Variants in SYPL2 observed in about 807,000 individuals in gnomAD.
The protein encoded by SYPL2 is synaptophysin like 2.
A neutral mutation model predicts 31.3 loss-of-function variants in SYPL2; 24 were observed. The ratio of observed to expected loss-of-function variants is 0.77; its 90% CI spans 0.56 to 1.08. The LOEUF is 1.08. SYPL2 is among the 50% of genes least tolerant of loss of function. The pLI is 0.00. For synonymous variants in SYPL2, 144 were observed against 143.1 expected (o/e 1.01, Z -0.05); for missense variants, 342 against 360.1 (o/e 0.95, Z 0.41).
Position 109,466,898 on chromosome 1 carries a change from G to A in SYPL2, c.54+1G>A, listed in dbSNP as rs1474462197. 48 of 1,530,326 alleles carry A rather than the reference G, an allele frequency of 3.1e-5. No individual in the cohort carries two copies. The highest frequency in any genetic ancestry group is 3.9e-5 in the Non-Finnish European group (45 of 1,144,138). 94.8% of individuals were successfully genotyped at this position (1,530,326 alleles called of 1,614,324 possible). A position where few individuals can be genotyped will look rare whatever the true frequency, so the allele number is the denominator to read the frequency against. ...GGCGGACAAGTCGCCGCGCCAGCAGGTAGTCCCTGCGCGCCCAGGACTCTC... is the reference window on the plus strand; with the variant it reads ...GGCGGACAAGTCGCCGCGCCAGCAGATAGTCCCTGCGCGCCCAGGACTCTC... On this transcript the variant is annotated splice_donor_variant, in intron 1 of 5. Coordinates refer to ENST00000369872, the MANE Select transcript of SYPL2 (RefSeq NM_001040709.2). LOFTEE classifies it high-confidence loss of function.
In SYPL2 at chr1:109,466,829, G is replaced by A. The variant is rs1213038313; in HGVS notation, c.-15G>A. On this transcript the variant is annotated 5_prime_UTR_variant, in exon 1 of 6. Transcript: ENST00000369872. ...GCCAAGCCACCACGCCGCGCCCAGCGCTCGCCGCGCCAGCATGTCCTCGAC... is the reference window on the plus strand; with the variant it reads ...GCCAAGCCACCACGCCGCGCCCAGCACTCGCCGCGCCAGCATGTCCTCGAC... The A allele has an allele frequency of 1.3e-6, 2 of 1,513,864 alleles. No homozygotes were observed. The highest frequency in any genetic ancestry group is 1.8e-6 in the Non-Finnish European group (2 of 1,138,166). 93.8% of individuals were successfully genotyped at this position (1,513,864 alleles called of 1,614,324 possible). A position where few individuals can be genotyped will look rare whatever the true frequency, so the allele number is the denominator to read the frequency against.
At position 109,480,643 on chromosome 1, in the gene SYPL2, C is replaced by T. The variant is rs920651267; in HGVS notation, c.*1095C>T. 7 of 152,652 alleles carry T rather than the reference C, an allele frequency of 4.6e-5. No homozygotes were observed. The highest frequency in any genetic ancestry group is 1.7e-4 in the African/African-American group (7 of 41,402). 9.5% of individuals were successfully genotyped at this position (152,652 alleles called of 1,614,324 possible). On this transcript the variant is annotated 3_prime_UTR_variant, in exon 6 of 6. Transcript: ENST00000369872. ...CCTTATTCCCTGCTCAGTTTTTTCCCCTGCTCCTTCTCTAGTCCTTCTTTC... is the reference window on the plus strand; with the variant it reads ...CCTTATTCCCTGCTCAGTTTTTTCCTCTGCTCCTTCTCTAGTCCTTCTTTC...
chr1:109,475,807 G>A (rs766427198), intron 3 of SYPL2, 102 bp downstream of exon 3: 103 of 1,474,606 alleles, frequency 7.0e-5, no homozygotes, highest in South Asian at 1.2e-4. Flanking sequence ...CATTCATTGC[G>A]TGCCACTCCA....
At chr1:109,468,049 T>A (rs1040384913) in intron 2 of SYPL2, among the ~76,000 whole-genome samples, 3 of 152,216 alleles carry the variant, frequency 2.0e-5, no homozygotes, top group African/African-American at 7.2e-5. Context: ...TACAGTCTAG[T>A]GGAAATACTA....
chr1:109,475,351 A>G (rs1386325131), intron 2 of SYPL2: 4 of 500,578 alleles, frequency 8.0e-6, no homozygotes, highest in Non-Finnish European at 1.4e-5. Context: ...TCTCCCTTGC[A>G]GACACCACTC....
Position 109,479,520 on chromosome 1 carries a change from C to T in SYPL2, c.791C>T (p.Ala264Val). Residue 264 changes from alanine to valine, a missense_variant, in exon 6 of 6, where the codon GCT becomes GTT. Physicochemically the swap from Ala to Val is moderately conservative, Grantham distance 64. Coordinates refer to ENST00000369872, the MANE Select transcript of SYPL2 (RefSeq NM_001040709.2). ...QGQGPSQESA[A>V]EQGAVEKQ The stretch of plus-strand genomic sequence containing the variant: ...CAGGGTCCCAGCCAGGAGAGTGCAG[C>T]TGAGCAGGGAGCAGTGGAGAAGCAG... 5 of 1,614,190 alleles carry T rather than the reference C, an allele frequency of 3.1e-6. No homozygotes were observed. Among genetic ancestry groups the T allele is most frequent in the Non-Finnish European group, 4.2e-6 (5 of 1,180,022 alleles).
chr1:109,471,723 TTTG>T (rs1422670611), intron 2 of SYPL2, among the ~76,000 whole-genome samples: 1 of 152,026 alleles, frequency 6.6e-6, no homozygotes, highest in Non-Finnish European at 1.5e-5. Context: ...CCTGAACTTT[TTTG>T]TTGTTGTTTG....
At chr1:109,467,169 G>A in intron 2 of SYPL2, 36 bp downstream of exon 2, 1 of 1,522,296 alleles carries the variant, frequency 6.6e-7, no homozygotes, top group Non-Finnish European at 8.8e-7. Flanking sequence ...TATTTCGGGA[G>A]CCTGGGCTGT....
chr1:109,470,537 G>C (rs1655800407), intron 2 of SYPL2, among the ~76,000 whole-genome samples: 1 of 152,224 alleles, frequency 6.6e-6, no homozygotes, highest in Non-Finnish European at 1.5e-5. Context: ...CAGCAATGGA[G>C]GTCCAAGAGG....
rs187778225 is a variant in SYPL2, at chr1:109,475,538, G to C, written c.130-43G>C. On this transcript the variant is annotated intron_variant, in intron 2 of 5. Coordinates refer to ENST00000369872, the MANE Select transcript of SYPL2 (RefSeq NM_001040709.2). ...CACGGTTAGTTCTCGACTTTGGCCA[G>C]TTGAGGCCTTCTGACTCTCAAAGAG... 2.5e-3 allele frequency: 4,047 copies of C among 1,601,834 alleles called. 62 individuals are homozygous for C. Among genetic ancestry groups the C allele is most frequent in the South Asian group, 5.6e-3 (510 of 90,352 alleles).
chr1:109,479,453 C>A lies in SYPL2; in HGVS notation c.724C>A (p.Gln242Lys), dbSNP rs1274021233. 1.2e-6 allele frequency: 2 copies of A among 1,611,434 alleles called. No homozygotes were observed. Among genetic ancestry groups the A allele is most frequent in the Admixed American group, 3.3e-5 (2 of 59,770 alleles). ...GTTCAAGGAGACCCCGTGGCATGGACAGGGCCAGGGCCAGGACCAGGACCA... is the reference window on the plus strand; with the variant it reads ...GTTCAAGGAGACCCCGTGGCATGGAAAGGGCCAGGGCCAGGACCAGGACCA... Reference protein sequence around the residue: ...FVFKETPWHGQGQGQDQDQDQ... With the variant: ...FVFKETPWHGKGQGQDQDQDQ... Residue 242 changes from glutamine to lysine, a missense_variant, in exon 6 of 6, where the codon CAG (glutamine) becomes AAG (lysine). By Grantham distance (53) the Gln-to-Lys change is moderately conservative. Coordinates refer to ENST00000369872, the MANE Select transcript of SYPL2 (RefSeq NM_001040709.2).
At chr1:109,473,894 A>G (rs1204604675) in intron 2 of SYPL2, among the ~76,000 whole-genome samples, 4 of 16,294 alleles carry the variant, frequency 2.5e-4, no homozygotes, top group African/African-American at 5.0e-4. Context: ...GACTCCATCT[A>G]AAAAAAAAAA....
chr1:109,477,688 G>A, intron 4 of SYPL2, 130 bp from the exon 5 acceptor site: 1 of 1,353,492 alleles, frequency 7.4e-7, no homozygotes, highest in Non-Finnish European at 9.9e-7. Context: ...TGGGTTCTAG[G>A]TGTTGGGTAG....
chr1:109,470,480 T>A (rs1314728993), intron 2 of SYPL2, among the ~76,000 whole-genome samples: 2 of 152,146 alleles, frequency 1.3e-5, no homozygotes, highest in Non-Finnish European at 2.9e-5. Flanking sequence ...GCAAAAGAGA[T>A]GCAGAAGCAA....
chr1:109,470,217 T>C (rs1251898146), intron 2 of SYPL2, among the ~76,000 whole-genome samples: 1 of 152,180 alleles, frequency 6.6e-6, no homozygotes, highest in Non-Finnish European at 1.5e-5. Flanking sequence ...TTTGAGTTCC[T>C]GGGCTCAGGT....
At chr1:109,467,640 T>A (rs566172746) in intron 2 of SYPL2, among the ~76,000 whole-genome samples, 5 of 152,164 alleles carry the variant, frequency 3.3e-5, no homozygotes, top group African/African-American at 1.2e-4. Flanking sequence ...CGGCTCGCCG[T>A]TCCCTTTTGA....
Position 109,466,645 on chromosome 1 carries a change from G to C in SYPL2, c.-199G>C, listed in dbSNP as rs934186714. ...GCACCGCGGCGGCCGCAGCCTCTGA[G>C]AGCACGAACAGCAGCGCCCCCGCGT... On this transcript the variant is annotated 5_prime_UTR_variant, in exon 1 of 6. Coordinates refer to ENST00000369872, the MANE Select transcript of SYPL2 (RefSeq NM_001040709.2). The C allele has an allele frequency of 6.4e-6, 3 of 466,386 alleles. No individual in the cohort carries two copies. Among genetic ancestry groups the C allele is most frequent in the Non-Finnish European group, 1.1e-5 (3 of 281,226 alleles). The allele number at this position is 466,386 out of a possible 1,614,324, so 28.9% of individuals were successfully genotyped here. A position where few individuals can be genotyped will look rare whatever the true frequency, so the allele number is the denominator to read the frequency against.
Position 109,467,058 on chromosome 1 carries a change from G to A in SYPL2, c.55-1G>A. On this transcript the variant is annotated splice_acceptor_variant, in intron 1 of 5. Coordinates refer to ENST00000369872, the MANE Select transcript of SYPL2 (RefSeq NM_001040709.2). LOFTEE classifies it high-confidence loss of function. Reference sequence around the variant, plus strand: ...CCCCCCGGCCGGCTGTGTCTCCGCAGGTGGACCGCCTACTCGTGGGGCTGC... The same window carrying A: ...CCCCCCGGCCGGCTGTGTCTCCGCAAGTGGACCGCCTACTCGTGGGGCTGC... 1 of 1,544,896 alleles carries A rather than the reference G, an allele frequency of 6.5e-7. No individual in the cohort carries two copies. The highest frequency in any genetic ancestry group is 8.7e-7 in the Non-Finnish European group (1 of 1,145,910).
intron 2 of SYPL2, among the ~76,000 whole-genome samples, chr1:109,471,581 ATT>A (rs35930265): frequency 3.4e-4 from 51 of 149,904 alleles, no homozygotes; most frequent in African/African-American, 5.1e-4. Flanking sequence ...ACTGAACTGA[ATT>A]TTTTTTTTTT....
Sources: allele counts gnomAD v4.1 joint callset (sites outside exome capture counted in the v4.1 genomes callset), GRCh38; gene constraint gnomAD v4.1.1; transcripts MANE v1.5; gene names NCBI Gene and HGNC (gene_info 2026-07-23, HGNC 2026-07-21).